EIF4B: variants seen among roughly 807,000 people sequenced by gnomAD.
EIF4B encodes the protein eukaryotic translation initiation factor 4B.
In EIF4B, 8 loss-of-function variants were observed where a neutral mutation model predicts 79.3. The observed-to-expected ratio is 0.10, with a 90% confidence interval of 0.06 to 0.18. The LOEUF (loss-of-function observed/expected upper bound fraction) is 0.18. Among genes scored for constraint, EIF4B ranks in the 10% least tolerant of loss-of-function variants. The pLI is 1.00. For synonymous variants in EIF4B, 238 were observed against 274.7 expected (o/e 0.87, Z 1.32); for missense variants, 515 against 792.4 (o/e 0.65, Z 4.20).
rs71095966 is a variant in EIF4B, at chr12:53,019,450, C to CTTTTTTTTTTTTTT, written c.361-449_361-436dup. On this transcript the variant is annotated intron_variant, in intron 3 of 14. Coordinates refer to ENST00000262056, the MANE Select transcript of EIF4B (RefSeq NM_001417.7). Reference sequence around the variant, plus strand: ...ATATATATATATATTTTTTTTTTTTCTTTTTTTTTTTTTTTTTTTTTTTTG... The same window carrying CTTTTTTTTTTTTTT: ...ATATATATATATATTTTTTTTTTTTCTTTTTTTTTTTTTTTTTTTTTTTTTTTTTTTTTTTTTTG... 2.6e-3 allele frequency among the ~76,000 whole-genome samples: 170 copies of CTTTTTTTTTTTTTT among 66,002 alleles called. 22 individuals are homozygous for CTTTTTTTTTTTTTT. The highest frequency in any genetic ancestry group is 4.0e-3 in the Non-Finnish European group (129 of 31,884). 43.3% of individuals were successfully genotyped at this position (66,002 alleles called of 152,430 possible). A position where few individuals can be genotyped will look rare whatever the true frequency, so the allele number is the denominator to read the frequency against.
Position 53,027,938 on chromosome 12 carries a change from G to T in EIF4B, c.805+19G>T. ...GATAGAGGTAATTGTAAAACATGTC[G>T]AATTGCTCTTTCAGTAACTTTGCCT... On this transcript the variant is annotated intron_variant, in intron 7 of 14. Coordinates refer to ENST00000262056, the MANE Select transcript of EIF4B (RefSeq NM_001417.7). The T allele has an allele frequency of 6.2e-7, 1 of 1,606,956 alleles. No homozygotes were observed. The highest frequency in any genetic ancestry group is 1.4e-5 in the African/African-American group (1 of 74,046).
chr12:53,040,130 CGTT>C lies in EIF4B; in HGVS notation c.1756-10_1756-8del, dbSNP rs1565594607. ...AGGGCCTTCATTATCCTGTCACTCT[CGTT>C]GTGTTACAGAAGTTCAGTTCTGCAA... On this transcript the variant is annotated splice_polypyrimidine_tract_variant and intron_variant, in intron 14 of 14. Transcript: ENST00000262056. 1.2e-6 allele frequency: 2 copies of C among 1,613,998 alleles called. No homozygotes were observed. The highest frequency in any genetic ancestry group is 1.1e-5 in the South Asian group (1 of 91,066).
Position 53,022,991 on chromosome 12 carries a change from C to T in EIF4B, c.667+364C>T, listed in dbSNP as rs138804306. ...GCAGCCTGGGCGACAAAACAAGACC[C>T]TGTCTACCAAAAAGAAAAAGAAAAA... On this transcript the variant is annotated intron_variant, in intron 6 of 14. Transcript: ENST00000262056. 6.7e-4 allele frequency among the ~76,000 whole-genome samples: 102 copies of T among 152,130 alleles called. 1 individual carries two copies. Among genetic ancestry groups the T allele is most frequent in the African/African-American group, 2.2e-3 (93 of 41,526 alleles).
In EIF4B at chr12:53,039,294, C is replaced by G. The variant is rs765495559; in HGVS notation, c.1633C>G (p.Arg545Gly). 1 of 1,611,342 alleles carries G rather than the reference C, an allele frequency of 6.2e-7. No homozygotes were observed. Among genetic ancestry groups the G allele is most frequent in the South Asian group, 1.1e-5 (1 of 90,490 alleles). The change falls in exon 13 of 15, where the codon CGT becomes GGT. Residue 545 changes from arginine to glycine, a missense_variant. Physicochemically the swap from Arg to Gly is moderately radical, Grantham distance 125 (BLOSUM62 -2). Transcript: ENST00000262056. ...AAAAGGCCAAACTGGGAACTCTAGC[C>G]GTGGTCCAGGCGACGGAGGGAACAG... ...APKGQTGNSS[R>G]GPGDGGNRDH...
chr12:53,011,242 G>T (rs1592212917), intron 1 of EIF4B, among the ~76,000 whole-genome samples: 3 of 152,256 alleles, frequency 2.0e-5, no homozygotes, highest in Admixed American at 1.3e-4. Flanking sequence ...ACTCCAGCCT[G>T]GGTGACAGAG....
chr12:53,012,886 G>A (rs1048435049), intron 1 of EIF4B, among the ~76,000 whole-genome samples: 3 of 152,152 alleles, frequency 2.0e-5, no homozygotes, highest in South Asian at 4.1e-4. Context: ...GATTACAGGC[G>A]TGAGCCACCA....
intron 2 of EIF4B, among the ~76,000 whole-genome samples, chr12:53,018,127 A>G (rs1418700635): frequency 1.3e-5 from 2 of 152,194 alleles, no homozygotes; most frequent in Non-Finnish European, 2.9e-5. Flanking sequence ...AGTAGATGGG[A>G]TTACTGGCAC....
At chr12:53,035,348 C>T (rs1422141188) in intron 10 of EIF4B, among the ~76,000 whole-genome samples, 1 of 151,740 alleles carries the variant, frequency 6.6e-6, no homozygotes, top group Non-Finnish European at 1.5e-5. Context: ...ACCACTACAC[C>T]CAGCTAAATT....
intron 6 of EIF4B, among the ~76,000 whole-genome samples, chr12:53,024,079 AGT>A (rs922731893): frequency 2.6e-5 from 4 of 152,174 alleles, no homozygotes; most frequent in Non-Finnish European, 5.9e-5. Context: ...GGGAAGAGAC[AGT>A]GTGTGAATAA....
chr12:53,016,409 C>T, intron 1 of EIF4B, 64 bp from the exon 2 acceptor site: 1 of 1,587,104 alleles, frequency 6.3e-7, no homozygotes, highest in Non-Finnish European at 8.6e-7. Context: ...TACAATATTG[C>T]ATTGTACAAC....
chr12:53,007,331 A>G (rs1004034307), intron 1 of EIF4B, among the ~76,000 whole-genome samples: 1 of 146,382 alleles, frequency 6.8e-6, no homozygotes, highest in Admixed American at 6.8e-5. Context: ...GGCATTTTTT[A>G]CTCAGCGCAG....
At chr12:53,025,666 G>A (rs898254971) in intron 6 of EIF4B, among the ~76,000 whole-genome samples, 1 of 152,038 alleles carries the variant, frequency 6.6e-6, no homozygotes, top group Admixed American at 6.6e-5. Context: ...TATGTGTCCT[G>A]TTTTAGATCA....
chr12:53,023,223 T>C (rs749110398), intron 6 of EIF4B, among the ~76,000 whole-genome samples: 1 of 152,156 alleles, frequency 6.6e-6, no homozygotes, highest in African/African-American at 2.4e-5. Flanking sequence ...ATCAGTTGCA[T>C]TACTTTTTGA....
chr12:53,031,654 A>G (rs1300665146), intron 8 of EIF4B, among the ~76,000 whole-genome samples: 1 of 152,240 alleles, frequency 6.6e-6, no homozygotes, highest in Non-Finnish European at 1.5e-5. Context: ...CGGGGCTATA[A>G]CACAGATTTA....
Position 53,022,631 on chromosome 12 carries a change from AGTTT to A in EIF4B, c.667+9_667+12del, listed in dbSNP as rs1223509049. On this transcript the variant is annotated splice_donor_5th_base_variant and intron_variant, in intron 6 of 14. Transcript: ENST00000262056. Reference sequence around the variant, plus strand: ...GGTGATGATAGCTTTGGAGACAGTAAGTTTGTTTTTATGAAGTTAGCTTCCTCTG... The same window carrying A: ...GGTGATGATAGCTTTGGAGACAGTAAGTTTTTATGAAGTTAGCTTCCTCTG... The A allele has an allele frequency of 1.2e-6, 2 of 1,613,042 alleles. No individual in the cohort carries two copies. Among genetic ancestry groups the A allele is most frequent in the Non-Finnish European group, 1.7e-6 (2 of 1,179,578 alleles).
chr12:53,022,337 G>A (rs1943259252), intron 5 of EIF4B, 156 bp from the exon 6 acceptor site: 2 of 1,078,890 alleles, frequency 1.9e-6, no homozygotes. Flanking sequence ...ACCTGGGGTT[G>A]AATTGGAGCA....
At chr12:53,018,538 G>A (rs10783554) in intron 2 of EIF4B, among the ~76,000 whole-genome samples, 121,593 of 152,076 alleles carry the variant, frequency 0.8, 50,906 homozygotes, top group Non-Finnish European at 0.93. Context: ...TGAATATAAA[G>A]TAGCTGGCAC....
chr12:53,006,900 C>T (rs1942970943), intron 1 of EIF4B, among the ~76,000 whole-genome samples: 1 of 148,234 alleles, frequency 6.7e-6, no homozygotes, highest in Non-Finnish European at 1.5e-5. Context: ...ACTACGTCTC[C>T]AAGGCGCGAG....
rs35255041 is a variant in EIF4B, at chr12:53,015,680, CA to C, written c.14-781del. Among the ~76,000 whole-genome samples the C allele has an allele frequency of 2.3e-3, 333 of 143,598 alleles. 5 individuals carry two copies. Among genetic ancestry groups the C allele is most frequent in the African/African-American group, 7.8e-3 (301 of 38,496 alleles). The allele number at this position is 143,598 out of a possible 152,430, so 94.2% of individuals were successfully genotyped here. ...TGGACAACAGAGCAAGACCCTGTCTCAAAAAAAAAAAATGGGGCCGGGTGTG... is the reference window on the plus strand; with the variant it reads ...TGGACAACAGAGCAAGACCCTGTCTCAAAAAAAAAAATGGGGCCGGGTGTG... On this transcript the variant is annotated intron_variant, in intron 1 of 14. Coordinates refer to ENST00000262056, the MANE Select transcript of EIF4B (RefSeq NM_001417.7).
Sources: allele counts gnomAD v4.1 joint callset (sites outside exome capture counted in the v4.1 genomes callset), GRCh38; gene constraint gnomAD v4.1.1; transcripts MANE v1.5; gene names NCBI Gene and HGNC (gene_info 2026-07-23, HGNC 2026-07-21).